Variants in MACROD2 observed in about 807,000 individuals in gnomAD.
MACROD2 encodes the protein ADP-ribose glycohydrolase MACROD2.
A neutral mutation model predicts 70.4 loss-of-function variants in MACROD2; 36 were observed. That is an observed-to-expected ratio of 0.51 (90% CI 0.39 to 0.68). MACROD2 has a LOEUF of 0.68. MACROD2 is among the 30% of genes least tolerant of loss of function. The pLI is 0.00. For synonymous variants in MACROD2, 172 were observed against 178.8 expected (o/e 0.96, Z 0.30); for missense variants, 496 against 538.4 (o/e 0.92, Z 0.78).
intron 10 of MACROD2, among the ~76,000 whole-genome samples, chr20:15,914,003 G>C (rs1194311295): frequency 2.6e-5 from 4 of 152,172 alleles, no homozygotes; most frequent in Non-Finnish European, 4.4e-5. Context: ...GTGCATGGAG[G>C]GGGCAGTGAA....
chr20:15,585,162 T>C (rs183510237), intron 8 of MACROD2, among the ~76,000 whole-genome samples: 1 of 152,114 alleles, frequency 6.6e-6, no homozygotes, highest in Admixed American at 6.5e-5. Context: ...CAGCCACCAC[T>C]ATCTGTGCTG....
chr20:14,991,967 G>C (rs2074908270), intron 5 of MACROD2, among the ~76,000 whole-genome samples: 1 of 152,112 alleles, frequency 6.6e-6, no homozygotes, highest in South Asian at 2.1e-4. Flanking sequence ...GACATTTATT[G>C]ATCTCCTACT....
chr20:15,333,126 G>T (rs749200059), intron 6 of MACROD2, among the ~76,000 whole-genome samples: 1 of 151,594 alleles, frequency 6.6e-6, no homozygotes, highest in African/African-American at 2.4e-5. Context: ...ATGGTTCCCA[G>T]AGTGCAGTCC....
At chr20:15,839,151 A>G (rs1006137511) in intron 8 of MACROD2, among the ~76,000 whole-genome samples, 9 of 152,252 alleles carry the variant, frequency 5.9e-5, no homozygotes, top group Middle Eastern at 6.8e-3. Context: ...TCATTTCTCA[A>G]AAAAGGCTCC....
At chr20:15,442,065 C>T (rs563701435) in intron 7 of MACROD2, among the ~76,000 whole-genome samples, 58 of 152,232 alleles carry the variant, frequency 3.8e-4, no homozygotes, top group Admixed American at 3.2e-3. Context: ...TTTTTCTCAT[C>T]TAGTCTTGAA....
chr20:14,471,082 G>A (rs1198827083), intron 3 of MACROD2, among the ~76,000 whole-genome samples: 1 of 152,170 alleles, frequency 6.6e-6, no homozygotes, highest in African/African-American at 2.4e-5. Context: ...CCTGGTCTGT[G>A]GGTTTCTATG....
At chr20:15,392,493 A>G (rs1299942102) in intron 6 of MACROD2, among the ~76,000 whole-genome samples, 1 of 151,822 alleles carries the variant, frequency 6.6e-6, no homozygotes, top group Non-Finnish European at 1.5e-5. Flanking sequence ...TTTTTTTCCC[A>G]ATTACTTCTG....
At chr20:15,542,174 C>T (rs142021779) in intron 8 of MACROD2, among the ~76,000 whole-genome samples, 1 of 152,312 alleles carries the variant, frequency 6.6e-6, no homozygotes, top group Non-Finnish European at 1.5e-5. Context: ...TTGTTGGAGT[C>T]AGATCGACAT....
chr20:14,020,403 G>A (rs2053058705), intron 2 of MACROD2, among the ~76,000 whole-genome samples: 1 of 152,116 alleles, frequency 6.6e-6, no homozygotes, highest in Non-Finnish European at 1.5e-5. Flanking sequence ...AACCTGGGAG[G>A]TGGTGGCTGC....
chr20:14,945,452 G>T (rs1052767381), intron 5 of MACROD2, among the ~76,000 whole-genome samples: 1 of 152,114 alleles, frequency 6.6e-6, no homozygotes, highest in Non-Finnish European at 1.5e-5. Context: ...GGGCGTCAAG[G>T]TTACAAGTGG....
intron 3 of MACROD2, among the ~76,000 whole-genome samples, chr20:14,259,969 G>C (rs2082089006): frequency 6.6e-6 from 1 of 152,228 alleles, no homozygotes; most frequent in Admixed American, 6.5e-5. Context: ...ATCTCTAAAA[G>C]TGGTTGGGGA....
At chr20:15,795,756 A>T (rs2063667010) in intron 8 of MACROD2, among the ~76,000 whole-genome samples, 1 of 152,192 alleles carries the variant, frequency 6.6e-6, no homozygotes, top group South Asian at 2.1e-4. Flanking sequence ...TTCAAAACTG[A>T]GTATAGATAA....
intron 5 of MACROD2, among the ~76,000 whole-genome samples, chr20:14,922,111 A>C (rs2423847): frequency 0.042 from 6,450 of 152,272 alleles, 182 homozygotes; most frequent in Non-Finnish European, 0.063. Flanking sequence ...ACATTAAACA[A>C]ATCTCCCATC....
intron 5 of MACROD2, among the ~76,000 whole-genome samples, chr20:14,744,432 T>C (rs1568771402): frequency 6.6e-6 from 1 of 152,196 alleles, no homozygotes; most frequent in African/African-American, 2.4e-5. Context: ...AACATATATA[T>C]TATCTTACAT....
chr20:14,469,526 A>G (rs1456804550), intron 3 of MACROD2, among the ~76,000 whole-genome samples: 1 of 152,034 alleles, frequency 6.6e-6, no homozygotes, highest in Non-Finnish European at 1.5e-5. Context: ...GTGTTTTCCA[A>G]CTGGGTTCCA....
intron 5 of MACROD2, among the ~76,000 whole-genome samples, chr20:14,745,521 T>C (rs749097480): frequency 3.3e-5 from 5 of 152,206 alleles, no homozygotes; most frequent in Non-Finnish European, 7.3e-5. Flanking sequence ...TGGTTAAGGC[T>C]ATGGCTGTGG....
intron 3 of MACROD2, among the ~76,000 whole-genome samples, chr20:14,484,395 A>C: frequency 6.6e-6 from 1 of 152,258 alleles, no homozygotes; most frequent in Admixed American, 6.5e-5. Flanking sequence ...ATCAGGGTAA[A>C]TGGGGTATCC....
intron 5 of MACROD2, among the ~76,000 whole-genome samples, chr20:15,138,649 G>C (rs2076169298): frequency 6.6e-6 from 1 of 152,110 alleles, no homozygotes; most frequent in Non-Finnish European, 1.5e-5. Context: ...GCATACTGGG[G>C]GTGCTCTGCC....
At chr20:14,403,257 G>A (rs779652463) in intron 3 of MACROD2, among the ~76,000 whole-genome samples, 1 of 152,208 alleles carries the variant, frequency 6.6e-6, no homozygotes, top group Non-Finnish European at 1.5e-5. Flanking sequence ...ACATTGCCAT[G>A]TCACTGGATG....
Sources: allele counts gnomAD v4.1 joint callset (sites outside exome capture counted in the v4.1 genomes callset), GRCh38; gene constraint gnomAD v4.1.1; transcripts MANE v1.5; gene names NCBI Gene and HGNC (gene_info 2026-07-23, HGNC 2026-07-21).